Variants in SNW1 observed in about 807,000 individuals in gnomAD.
The protein encoded by SNW1 is SNW domain containing 1.
In SNW1, 9 loss-of-function variants were observed where a neutral mutation model predicts 75.6. That is an observed-to-expected ratio of 0.12 (90% CI 0.07 to 0.21). The LOEUF (loss-of-function observed/expected upper bound fraction) is 0.21. Among genes scored for constraint, SNW1 ranks in the 10% least tolerant of loss-of-function variants. The probability of loss-of-function intolerance (pLI) is 1.00; values close to 1 mark genes in which losing one functional copy is unlikely to be tolerated. For synonymous variants in SNW1, 200 were observed against 219.1 expected, an observed-to-expected ratio of 0.91 and a Z score of 0.77; for missense variants, 409 against 670.9, an observed-to-expected ratio of 0.61 and a Z score of 4.31.
intron 1 of SNW1, chr14:77,760,857 A>G (rs2080884432): frequency 1.3e-6 from 1 of 782,430 alleles, no homozygotes; most frequent in African/African-American, 1.7e-5. Context: ...CGAAAAACCC[A>G]CTCTTCAGTG....
In SNW1 at chr14:77,717,637, C is replaced by A; in HGVS notation, c.*451G>T. On this transcript the variant is annotated 3_prime_UTR_variant, in exon 14 of 14. Transcript: ENST00000261531. Reference sequence around the variant, plus strand: ...TTTTTATTTGAAACAAATAGTTGCACCAAGCAAGAGGTTACTTTGCCCACT... The same window carrying A: ...TTTTTATTTGAAACAAATAGTTGCAACAAGCAAGAGGTTACTTTGCCCACT... 1 of 1,429,708 alleles carries A rather than the reference C, an allele frequency of 7.0e-7. No homozygotes were observed. Among genetic ancestry groups the A allele is most frequent in the Non-Finnish European group, 9.8e-7 (1 of 1,023,922 alleles). The allele number at this position is 1,429,708 out of a possible 1,614,324, so 88.6% of individuals were successfully genotyped here. A position where few individuals can be genotyped will look rare whatever the true frequency, so the allele number is the denominator to read the frequency against.
chr14:77,742,912 C>A (rs558485247), intron 3 of SNW1, among the ~76,000 whole-genome samples: 1 of 150,664 alleles, frequency 6.6e-6, no homozygotes, highest in African/African-American at 2.4e-5. Context: ...AAAATACATA[C>A]ACCAAGCCCT....
chr14:77,731,838 G>C (rs1311044219), intron 9 of SNW1, among the ~76,000 whole-genome samples: 3 of 151,964 alleles, frequency 2.0e-5, no homozygotes, highest in African/African-American at 7.3e-5. Context: ...TCCTGGGTTC[G>C]AGAGATTCTC....
chr14:77,717,945 C>G lies in SNW1; in HGVS notation c.*143G>C, dbSNP rs555868367. 7.7e-5 allele frequency: 55 copies of G among 710,374 alleles called. No homozygotes were observed. The East Asian group carries it at 1.3e-3, about 16-fold the overall frequency. 44.0% of individuals were successfully genotyped at this position (710,374 alleles called of 1,614,324 possible). On this transcript the variant is annotated 3_prime_UTR_variant, in exon 14 of 14. Transcript: ENST00000261531. ...TCAAAGTAGAATTTTCTATCCCCCC[C>G]ATTTCTCCAGTAATAAAAAGTAGTG... is the stretch of plus-strand genomic sequence containing the variant.
intron 9 of SNW1, 93 bp downstream of exon 9, chr14:77,732,392 G>T: frequency 1.3e-6 from 1 of 755,230 alleles, no homozygotes; most frequent in Non-Finnish European, 2.3e-6. Context: ...CTCTTTGGGT[G>T]CTCGGTACTA....
chr14:77,761,156 C>T lies in SNW1; in HGVS notation c.-29G>A. Reference sequence around the variant, plus strand: ...CTTCCGCTTCTTCCAGCGCGAGCGACAGCACCGCTGGGCGGGTCTTTCCAG... The same window carrying T: ...CTTCCGCTTCTTCCAGCGCGAGCGATAGCACCGCTGGGCGGGTCTTTCCAG... On this transcript the variant is annotated 5_prime_UTR_variant, in exon 1 of 14. Coordinates refer to ENST00000261531, the MANE Select transcript of SNW1 (RefSeq NM_012245.3). 5 of 1,614,234 alleles carry T rather than the reference C, an allele frequency of 3.1e-6. No individual in the cohort carries two copies. The highest frequency in any genetic ancestry group is 2.2e-5 in the East Asian group (1 of 44,890).
chr14:77,738,870 T>A lies in SNW1; in HGVS notation c.441A>T (p.Thr147=). 1 of 1,614,104 alleles carries A rather than the reference T, an allele frequency of 6.2e-7. No homozygotes were observed. The highest frequency in any genetic ancestry group is 1.3e-5 in the African/African-American group (1 of 75,054). The part of the protein sequence containing the change: ...EEAIKEITEK[T]RVALEKSVSQ... ...ATACAGATTTTTCTAAGGCTACTCTTGTCTTTTCTGTTATCTGAAATAGGA... is the reference window on the plus strand; with the variant it reads ...ATACAGATTTTTCTAAGGCTACTCTAGTCTTTTCTGTTATCTGAAATAGGA... Residue 147 remains threonine, a synonymous_variant, in exon 5 of 14, where the codon ACA becomes ACT. Coordinates refer to ENST00000261531, the MANE Select transcript of SNW1 (RefSeq NM_012245.3).
intron 1 of SNW1, chr14:77,760,536 A>G (rs933679037): frequency 6.0e-5 from 39 of 644,716 alleles, no homozygotes; most frequent in Non-Finnish European, 9.8e-5. Context: ...GGTTCTATCT[A>G]CGGAAGAAAT....
Position 77,717,978 on chromosome 14 carries a change from CTGGCACCCA to C in SNW1, c.*101_*109del. On this transcript the variant is annotated 3_prime_UTR_variant, in exon 14 of 14. Transcript: ENST00000261531. ...CAGTAATAAAAAGTAGTGCTGGGAT[CTGGCACCCA>C]GATTTGGTTTTTATCCTGACCATTT... The C allele has an allele frequency of 2.1e-6, 2 of 941,820 alleles. No individual in the cohort carries two copies. The highest frequency in any genetic ancestry group is 4.0e-5 in the South Asian group (2 of 49,662). 58.3% of individuals were successfully genotyped at this position (941,820 alleles called of 1,614,324 possible).
intron 11 of SNW1, chr14:77,722,575 C>A: frequency 2.4e-6 from 1 of 416,908 alleles, no homozygotes. Context: ...TCCAAATTTA[C>A]TACTACATCC....
chr14:77,724,342 C>G (rs2080567239), intron 10 of SNW1, among the ~76,000 whole-genome samples: 1 of 152,212 alleles, frequency 6.6e-6, no homozygotes, highest in Admixed American at 6.5e-5. Context: ...AATCTTCTAG[C>G]TATTTTGCAA....
intron 10 of SNW1, 67 bp downstream of exon 10, chr14:77,730,921 G>T: frequency 1.3e-6 from 2 of 1,549,680 alleles, no homozygotes; most frequent in Non-Finnish European, 1.7e-6. Context: ...GTAGGAAAAA[G>T]ATTTTCTAAA....
At chr14:77,738,258 A>G (rs1451600632) in intron 5 of SNW1, among the ~76,000 whole-genome samples, 1 of 151,942 alleles carries the variant, frequency 6.6e-6, no homozygotes, top group East Asian at 1.9e-4. Context: ...CCAAGATCAC[A>G]CCACTGCACT....
chr14:77,733,542 C>T (rs1285257941), intron 8 of SNW1, among the ~76,000 whole-genome samples: 1 of 151,806 alleles, frequency 6.6e-6, no homozygotes, highest in Non-Finnish European at 1.5e-5. Context: ...CCCAGGAGTT[C>T]AAGACCAGCC....
rs192293467 is a variant in SNW1 at position 77,743,304 on chromosome 14, A to G, written c.331-4243T>C. On this transcript the variant is annotated intron_variant, in intron 3 of 13. Transcript: ENST00000261531. ...TTGTATCAAGATTTACACTAAAAAAAACTTTTTCATCCCCAATTTTGTATG... is the reference window on the plus strand; with the variant it reads ...TTGTATCAAGATTTACACTAAAAAAGACTTTTTCATCCCCAATTTTGTATG... Among the ~76,000 whole-genome samples the G allele has an allele frequency of 1.7e-3, 262 of 152,302 alleles. 2 individuals carry two copies. Among genetic ancestry groups the G allele is most frequent in the Non-Finnish European group, 3.0e-3 (202 of 67,998 alleles).
intron 11 of SNW1, chr14:77,722,549 G>C: frequency 2.2e-6 from 1 of 450,160 alleles, no homozygotes. Context: ...GGTAGAAAAA[G>C]AACGGACTAT....
chr14:77,720,663 A>G, intron 12 of SNW1, 48 bp downstream of exon 12: 1 of 1,188,374 alleles, frequency 8.4e-7, no homozygotes, highest in Non-Finnish European at 1.3e-6. Flanking sequence ...TTCCCTGAGG[A>G]TAGGTATTCA....
intron 10 of SNW1, among the ~76,000 whole-genome samples, chr14:77,726,761 C>G (rs949461064): frequency 6.6e-6 from 1 of 151,842 alleles, no homozygotes; most frequent in Non-Finnish European, 1.5e-5. Context: ...TTGCAGTGTG[C>G]TGAGATCATG....
In SNW1 at chr14:77,729,580, G is replaced by A. The variant is rs1382537037; in HGVS notation, c.1033+1408C>T. ...ATGGTACAAAGTCTCATTTATGCAG[G>A]ATGAGTAAGTTCTGGAGATCTAATA... On this transcript the variant is annotated intron_variant, in intron 10 of 13. Transcript: ENST00000261531. Among the ~76,000 whole-genome samples, 3 of 152,108 alleles carry A rather than the reference G, an allele frequency of 2.0e-5. No homozygotes were observed. The South Asian group carries it at 6.2e-4, about 32-fold the overall frequency.
Sources: gnomAD v4.1 joint callset for allele counts (sites outside exome capture counted in the v4.1 genomes callset) on GRCh38, gnomAD v4.1.1 for gene constraint, MANE v1.5 for transcripts, NCBI Gene and HGNC (gene_info 2026-07-23, HGNC 2026-07-21) for gene names.